ZNF226: variants seen among roughly 807,000 people sequenced by gnomAD.
ZNF226 encodes Kruppel-associated box protein.
In ZNF226, 6 loss-of-function variants were observed where a neutral mutation model predicts 11.4. That is an observed-to-expected ratio of 0.53 (90% confidence interval 0.29 to 1.04). ZNF226 has a LOEUF of 1.04. Among genes scored for constraint, ZNF226 ranks in the 50% least tolerant of loss-of-function variants. The pLI is 0.08. For missense variants in ZNF226, 1,058 were observed against 956.5 expected, an observed-to-expected ratio of 1.11 and a Z score of -1.40; for synonymous variants, 350 against 322.8, an observed-to-expected ratio of 1.08 and a Z score of -0.90.
At chr19:44,166,613 G>A (rs1037615666) in intron 2 of ZNF226, 5 of 152,172 alleles carry the variant, frequency 3.3e-5, no homozygotes, top group African/African-American at 1.2e-4. Context: ...TTTAAAAAAT[G>A]TAAATTCCCC....
chr19:44,180,111 A>C (rs1015643164), downstream of ZNF226, among the ~76,000 whole-genome samples: 116 of 146,158 alleles, frequency 7.9e-4, 1 homozygote, highest in African/African-American at 3.0e-3. Context: ...AAAAAAAAAA[A>C]CCCAAGAAGG....
downstream of ZNF226, among the ~76,000 whole-genome samples, chr19:44,183,032 G>A (rs553816494): frequency 6.6e-6 from 1 of 152,280 alleles, no homozygotes; most frequent in South Asian, 2.1e-4. Context: ...GTCTTCTTGA[G>A]AAAGTACACT....
rs1202825656 is a variant in ZNF226 at position 44,172,158 on chromosome 19, A to G, written c.86A>G (p.Gln29Arg). 1 of 1,613,284 alleles carries G rather than the reference A, an allele frequency of 6.2e-7. No individual in the cohort carries two copies. The highest frequency in any genetic ancestry group is 1.7e-4 in the Middle Eastern group (1 of 6,054). Residue 29 changes from glutamine to arginine, a missense_variant, in exon 4 of 6, where the codon CAG (glutamine) becomes CGG (arginine). Physicochemically the swap from Gln to Arg is conservative, Grantham distance 43. Coordinates refer to ENST00000337433, the MANE Select transcript of ZNF226 (RefSeq NM_001032373.2). ...EEELGLLGPA[Q>R]RKLYRDVMVE... ...GAATTGGGGCTGCTGGGCCCTGCCC[A>G]GAGGAAGCTGTACCGAGATGTGATG...
the ZNF226 span, among the ~76,000 whole-genome samples, chr19:44,187,959 G>A: frequency 6.6e-5 from 10 of 151,946 alleles, no homozygotes; most frequent in Non-Finnish European, 1.5e-4. The surrounding 1 kb of genome is among the most constrained non-coding windows in gnomAD (Gnocchi z 4.0). Flanking sequence ...CTATTAATTT[G>A]TAGTTTTATT....
the ZNF226 span, among the ~76,000 whole-genome samples, chr19:44,186,373 T>A: frequency 6.6e-6 from 1 of 152,112 alleles, no homozygotes; most frequent in African/African-American, 2.4e-5. Context: ...TTCTTAGATT[T>A]CTTCTTTTAT....
downstream of ZNF226, among the ~76,000 whole-genome samples, chr19:44,180,439 T>C (rs1031783888): frequency 6.6e-6 from 1 of 152,212 alleles, no homozygotes; most frequent in Non-Finnish European, 1.5e-5. Context: ...AAGTCCATGA[T>C]ACCTCAAGTT....
chr19:44,186,173 T>A, the ZNF226 span, among the ~76,000 whole-genome samples: 1 of 152,168 alleles, frequency 6.6e-6, no homozygotes, highest in Admixed American at 6.5e-5. Flanking sequence ...GTTTTGAAAT[T>A]AGGGAGTGTG....
At chr19:44,184,457 A>T in the ZNF226 span, among the ~76,000 whole-genome samples, 1 of 152,038 alleles carries the variant, frequency 6.6e-6, no homozygotes, top group Non-Finnish European at 1.5e-5. Context: ...GCGGGCGCCT[A>T]TAATCCCAGC....
chr19:44,175,209 A>G, intron 5 of ZNF226: 1 of 1,413,116 alleles, frequency 7.1e-7, no homozygotes, highest in East Asian at 2.6e-5. Context: ...TTGATACCAT[A>G]TTATGGTAGG....
At chr19:44,171,913 TC>T (rs1382727548) in intron 3 of ZNF226, among the ~76,000 whole-genome samples, 174 bp from the exon 4 acceptor site, 5 of 152,230 alleles carry the variant, frequency 3.3e-5, no homozygotes, top group African/African-American at 4.8e-5. Flanking sequence ...TACAAAGCTT[TC>T]TTTTTCACAG....
downstream of ZNF226, among the ~76,000 whole-genome samples, chr19:44,179,050 C>T (rs568247129): frequency 2.0e-4 from 31 of 152,028 alleles, no homozygotes; most frequent in African/African-American, 3.9e-4. Flanking sequence ...CGTGGTGGTG[C>T]GTGCCTGTAA....
downstream of ZNF226, among the ~76,000 whole-genome samples, chr19:44,181,686 G>A (rs1970908957): frequency 6.6e-6 from 1 of 152,220 alleles, no homozygotes. Flanking sequence ...CAAAGCTGAG[G>A]GTTTTGCTCA....
At chr19:44,173,705 C>G (rs979720887) in intron 5 of ZNF226, 2 of 152,202 alleles carry the variant, frequency 1.3e-5, no homozygotes, top group Non-Finnish European at 2.9e-5. Context: ...TTGCAGTGAG[C>G]TGAGATCGTG....
chr19:44,190,405 C>T, the ZNF226 span, among the ~76,000 whole-genome samples: 4 of 152,052 alleles, frequency 2.6e-5, no homozygotes, highest in African/African-American at 9.7e-5. Context: ...GCGATCTCGG[C>T]TCACTGCAAG....
Position 44,176,094 on chromosome 19 carries a change from A to G in ZNF226, c.832A>G (p.Lys278Glu). The stretch of plus-strand genomic sequence containing the variant: ...TCATCAGCAGTTACAATCAGGAGAG[A>G]AGTCTCTTACATGTGTTGAGCGTGG... The part of the protein sequence containing the change: ...DLHQQLQSGE[K>E]SLTCVERGKG... The change falls in exon 6 of 6, where the codon AAG becomes GAG. Residue 278 changes from lysine (K) to glutamate (E), a missense_variant. Transcript: ENST00000337433. 1 of 1,614,176 alleles carries G rather than the reference A, an allele frequency of 6.2e-7. No individual in the cohort carries two copies. The highest frequency in any genetic ancestry group is 1.1e-5 in the South Asian group (1 of 91,078).
intron 2 of ZNF226, among the ~76,000 whole-genome samples, chr19:44,169,380 G>A (rs1969807557): frequency 1.3e-5 from 2 of 152,176 alleles, no homozygotes; most frequent in East Asian, 1.9e-4. Flanking sequence ...CGGTATCTTC[G>A]GTTTTATTAG....
chr19:44,167,838 C>G (rs1969583041), intron 2 of ZNF226: 1 of 152,134 alleles, frequency 6.6e-6, no homozygotes, highest in African/African-American at 2.4e-5. Flanking sequence ...TCCAAGGAGC[C>G]CACACATGCA....
intron 3 of ZNF226, 23 bp from the exon 4 acceptor site, chr19:44,172,065 G>C: frequency 6.2e-7 from 1 of 1,605,738 alleles, no homozygotes; most frequent in Non-Finnish European, 8.5e-7. Flanking sequence ...TTGTAAGATT[G>C]AGGTCATTTG....
chr19:44,172,932 C>A lies in ZNF226; in HGVS notation c.215C>A (p.Thr72Asn). ...NEQLWIMTTA[T>N]RRQGNLGEKN... ...CAGCTTTGGATAATGACGACAGCAA[C>A]CCGAAGACAGGGAAATTTAGGTAAA... is the stretch of plus-strand genomic sequence containing the variant. Residue 72 changes from threonine (T) to asparagine (N), a missense_variant, in exon 5 of 6, where the codon ACC (threonine) becomes AAC (asparagine). Coordinates refer to ENST00000337433, the MANE Select transcript of ZNF226 (RefSeq NM_001032373.2). 6.2e-7 allele frequency: 1 copy of A among 1,602,642 alleles called. No individual in the cohort carries two copies. Among genetic ancestry groups the A allele is most frequent in the Non-Finnish European group, 8.5e-7 (1 of 1,174,374 alleles).
Sources: gnomAD v4.1 joint callset for allele counts (sites outside exome capture counted in the v4.1 genomes callset) on GRCh38, gnomAD v4.1.1 for gene constraint, Gnocchi (gnomAD v3.1) non-coding constraint, MANE v1.5 for transcripts, NCBI Gene and HGNC (gene_info 2026-07-23, HGNC 2026-07-21) for gene names.